Variants in SUCO observed in about 807,000 individuals in gnomAD.
SUCO encodes SUN domain containing ossification factor.
In SUCO, 57 loss-of-function variants were observed where a neutral mutation model predicts 148.1. The observed-to-expected ratio is 0.38, with a 90% CI of 0.31 to 0.48. The LOEUF (loss-of-function observed/expected upper bound fraction) is 0.48, where lower values mean the gene tolerates loss of function less well. Ranked by LOEUF, SUCO falls within the 20% of genes least tolerant of loss-of-function variation. The pLI is 0.96. For synonymous variants in SUCO, 470 were observed against 502.7 expected (o/e 0.93, Z 0.87); for missense variants, 1,331 against 1,468.2 (o/e 0.91, Z 1.53).
At chr1:172,590,933 G>C (rs1656608276) in intron 18 of SUCO, 51 bp from the exon 19 acceptor site, 8 of 1,291,640 alleles carry the variant, frequency 6.2e-6, no homozygotes, top group Non-Finnish European at 7.7e-6. Flanking sequence ...CCATTACTAA[G>C]TGGAATAAGT....
At chr1:172,594,048 C>T (rs534707035) in intron 19 of SUCO, among the ~76,000 whole-genome samples, 1 of 152,182 alleles carries the variant, frequency 6.6e-6, no homozygotes, top group South Asian at 2.1e-4. Context: ...TCTGGATTTT[C>T]TAGTTTATTT....
chr1:172,589,788 A>C lies in SUCO; in HGVS notation c.2687A>C (p.Asp896Ala). Reference protein sequence around the residue: ...DFYAELQNSTDLGYANGNLVH... With the variant: ...DFYAELQNSTALGYANGNLVH... Reference sequence around the variant, plus strand: ...TATGCTGAATTGCAAAATTCTACAGATCTAGGATATGCTAATGGAAATCTT... The same window carrying C: ...TATGCTGAATTGCAAAATTCTACAGCTCTAGGATATGCTAATGGAAATCTT... Residue 896 changes from aspartate (D) to alanine (A), a missense_variant, in exon 18 of 24, where the codon GAT becomes GCT. By Grantham distance (126) the Asp-to-Ala change is moderately radical. Around this residue, in one of 3 missense-constraint regions of SUCO, gnomAD observed 992 missense variants for 1,093.5 expected, o/e 0.91. Coordinates refer to ENST00000263688, the MANE Select transcript of SUCO (RefSeq NM_014283.5). 1.2e-6 allele frequency: 2 copies of C among 1,612,562 alleles called. No individual in the cohort carries two copies. The highest frequency in any genetic ancestry group is 1.7e-6 in the Non-Finnish European group (2 of 1,179,420).
chr1:172,594,704 G>A (rs1233387418), intron 19 of SUCO, among the ~76,000 whole-genome samples: 1 of 152,134 alleles, frequency 6.6e-6, no homozygotes, highest in Non-Finnish European at 1.5e-5. Context: ...CTCCAGCTAT[G>A]TGGTCAATTT....
At chr1:172,607,621 C>G (rs1419829569) in intron 22 of SUCO, among the ~76,000 whole-genome samples, 1 of 151,502 alleles carries the variant, frequency 6.6e-6, no homozygotes, top group East Asian at 1.9e-4. Context: ...CAGTTTTAGC[C>G]TAGGGATTAC....
intron 10 of SUCO, 78 bp downstream of exon 10, chr1:172,574,076 T>A (rs1655248326): frequency 1.2e-6 from 1 of 803,574 alleles, no homozygotes; most frequent in African/African-American, 1.7e-5. Flanking sequence ...AAAAAGTGGG[T>A]CACATTTTGA....
At chr1:172,583,293 G>T (rs1656007756) in intron 15 of SUCO, among the ~76,000 whole-genome samples, 1 of 152,042 alleles carries the variant, frequency 6.6e-6, no homozygotes. Context: ...AGTTTGCCAG[G>T]TCAAAGGGCA....
In SUCO at chr1:172,580,151, T is replaced by C. The variant is rs139148770; in HGVS notation, c.1498+884T>C. Among the ~76,000 whole-genome samples the C allele has an allele frequency of 2.6e-5, 4 of 152,280 alleles. No individual in the cohort carries two copies. In the East Asian group the frequency reaches 5.8e-4, roughly 22 times the overall value. ...AAATTACCTCTTTCATCTCTCCTTC[T>C]AGCCTTTTCTTTCTTTCTTTCCTTT... On this transcript the variant is annotated intron_variant, in intron 15 of 23. Coordinates refer to ENST00000263688, the MANE Select transcript of SUCO (RefSeq NM_014283.5).
At chr1:172,544,907 G>A (rs967797690) in intron 1 of SUCO, among the ~76,000 whole-genome samples, 14 of 152,306 alleles carry the variant, frequency 9.2e-5, no homozygotes, top group South Asian at 2.1e-4. Context: ...ATTTGCAGAC[G>A]TAGCAAGTTA....
intron 17 of SUCO, among the ~76,000 whole-genome samples, chr1:172,586,880 A>G (rs1237535464): frequency 6.6e-6 from 1 of 152,126 alleles, no homozygotes; most frequent in African/African-American, 2.4e-5. Context: ...TTTATTGGGT[A>G]ATTAGAAAAT....
intron 1 of SUCO, among the ~76,000 whole-genome samples, chr1:172,536,825 A>C (rs1482212314): frequency 6.6e-6 from 1 of 152,124 alleles, no homozygotes; most frequent in Admixed American, 6.5e-5. Flanking sequence ...CCCCTTCCTC[A>C]CATCAGCACT....
chr1:172,549,857 C>A (rs1322557286), intron 1 of SUCO, among the ~76,000 whole-genome samples: 1 of 146,914 alleles, frequency 6.8e-6, no homozygotes, highest in Non-Finnish European at 1.5e-5. Flanking sequence ...AAAAACTTGT[C>A]ACCATACATT....
chr1:172,606,194 A>G (rs1657853766), intron 22 of SUCO, among the ~76,000 whole-genome samples: 1 of 151,624 alleles, frequency 6.6e-6, no homozygotes, highest in Non-Finnish European at 1.5e-5. Context: ...ATCTATATGA[A>G]TAAGATTGGC....
intron 6 of SUCO, among the ~76,000 whole-genome samples, chr1:172,558,142 C>T (rs1456418594): frequency 6.6e-6 from 1 of 152,162 alleles, no homozygotes; most frequent in Non-Finnish European, 1.5e-5. Context: ...ATTTAATTAT[C>T]TTCAGAATAC....
intron 15 of SUCO, among the ~76,000 whole-genome samples, chr1:172,582,399 T>A (rs1236591163): frequency 6.6e-6 from 1 of 152,098 alleles, no homozygotes; most frequent in Non-Finnish European, 1.5e-5. Context: ...GTTTTCTTTA[T>A]CAAAAAGAGA....
chr1:172,609,036 C>G (rs1186164094), intron 23 of SUCO, among the ~76,000 whole-genome samples: 1 of 152,004 alleles, frequency 6.6e-6, no homozygotes, highest in Non-Finnish European at 1.5e-5. Flanking sequence ...TAAAACAGAA[C>G]AGCATGCAAG....
chr1:172,536,695 G>A (rs933404912), intron 1 of SUCO, among the ~76,000 whole-genome samples: 6 of 152,122 alleles, frequency 3.9e-5, no homozygotes, highest in Admixed American at 2.0e-4. Flanking sequence ...ACAATTCTGT[G>A]GATGAGAAGT....
chr1:172,555,369 G>A (rs1287155452), intron 3 of SUCO: 1 of 985,164 alleles, frequency 1.0e-6, no homozygotes, highest in Non-Finnish European at 1.2e-6. Context: ...TTCACATTGT[G>A]TTTTGGAGGA....
At chr1:172,559,706 G>T (rs1449476566) in intron 6 of SUCO, among the ~76,000 whole-genome samples, 1 of 152,162 alleles carries the variant, frequency 6.6e-6, no homozygotes, top group Non-Finnish European at 1.5e-5. Flanking sequence ...CTAGGGAAAA[G>T]GTGGTAACTT....
intron 23 of SUCO, 87 bp from the exon 24 acceptor site, chr1:172,609,729 A>C: frequency 1.3e-6 from 2 of 1,513,000 alleles, no homozygotes; most frequent in Non-Finnish European, 1.8e-6. Context: ...AGGAGGTGGC[A>C]CTTCTCTATT....
Sources: gnomAD v4.1 joint callset for allele counts (sites outside exome capture counted in the v4.1 genomes callset) on GRCh38, gnomAD v4.1.1 for gene constraint, gnomAD v4.1.1 regional missense constraint, MANE v1.5 for transcripts, NCBI Gene and HGNC (gene_info 2026-07-23, HGNC 2026-07-21) for gene names.